ZNF799: variants seen among roughly 807,000 people sequenced by gnomAD.
ZNF799 encodes zinc finger protein 799, also known as zinc finger protein 14.
ZNF799 carries 28 observed loss-of-function variants against 41.0 expected under a neutral mutation model. That is an observed-to-expected ratio of 0.68 (90% confidence interval 0.51 to 0.94). The LOEUF is 0.94. Ranked by LOEUF, ZNF799 falls within the 40% of genes least tolerant of loss-of-function variation. The pLI, the probability that ZNF799 is intolerant of heterozygous loss-of-function variation, is 0.00. For missense variants in ZNF799, 716 were observed against 764.3 expected, an observed-to-expected ratio of 0.94 and a Z score of 0.74; for synonymous variants, 213 against 252.9, an observed-to-expected ratio of 0.84 and a Z score of 1.50.
intron 3 of ZNF799, among the ~76,000 whole-genome samples, 190 bp from the exon 4 acceptor site, chr19:12,392,396 A>C (rs1242985421): frequency 6.6e-6 from 1 of 152,256 alleles, no homozygotes; most frequent in Non-Finnish European, 1.5e-5. Context: ...TCACATTCAT[A>C]TGTGGATTCA....
Position 12,391,542 on chromosome 19 carries a change from A to T in ZNF799, c.856T>A (p.Cys286Ser). The part of the protein sequence containing the change: ...TGKKPYTCKQ[C>S]GKAFSASTSL... ...GTGGAAGCACTGAAGGCTTTCCCAC[A>T]TTGTTTACATGTATAGGGTTTCTTT... Residue 286 changes from cysteine to serine, a missense_variant, in exon 4 of 4, where the codon TGT (cysteine) becomes AGT (serine). Physicochemically the swap from Cys to Ser is moderately radical, Grantham distance 112. This residue lies in a region of ZNF799 where 698 missense variants were observed against 713.6 expected (regional missense o/e 0.98). Coordinates refer to ENST00000430385, the MANE Select transcript of ZNF799 (RefSeq NM_001080821.3). 1 of 1,614,076 alleles carries T rather than the reference A, an allele frequency of 6.2e-7. No individual in the cohort carries two copies. Among genetic ancestry groups the T allele is most frequent in the Non-Finnish European group, 8.5e-7 (1 of 1,179,990 alleles).
upstream of ZNF799, among the ~76,000 whole-genome samples, chr19:12,401,633 A>C (rs1334428734): frequency 8.0e-6 from 1 of 125,102 alleles, no homozygotes; most frequent in Non-Finnish European, 1.6e-5. Flanking sequence ...GCTAGAGTGC[A>C]ATGGTGCGAG....
At position 12,392,009 on chromosome 19, in the gene ZNF799, G is replaced by C. The variant is rs1369416715; in HGVS notation, c.389C>G (p.Pro130Arg). The C allele has an allele frequency of 1.9e-6, 3 of 1,614,044 alleles. No individual in the cohort carries two copies. The highest frequency in any genetic ancestry group is 2.5e-6 in the Non-Finnish European group (3 of 1,180,022). The change falls in exon 4 of 4, where the codon CCA (proline) becomes CGA (arginine). Residue 130 changes from proline to arginine, a missense_variant. Transcript: ENST00000430385. ...CYIRVGAGHK[P>R]YEYHECGEKP... ...CTCTCCACATTCATGATACTCATAT[G>C]GTTTGTGCCCAGCACCAACTCTGAT...
At chr19:12,414,690 G>A in the ZNF799 span, among the ~76,000 whole-genome samples, 1 of 152,170 alleles carries the variant, frequency 6.6e-6, no homozygotes, top group African/African-American at 2.4e-5. Flanking sequence ...GGAATTATAA[G>A]GCAACAGTCT....
upstream of ZNF799, among the ~76,000 whole-genome samples, chr19:12,406,135 A>C (rs1970027782): frequency 6.9e-6 from 1 of 145,410 alleles, no homozygotes; most frequent in East Asian, 2.0e-4. Flanking sequence ...ACGCCACTGC[A>C]CTAATGTCTG....
upstream of ZNF799, among the ~76,000 whole-genome samples, chr19:12,401,736 G>A (rs145448496): frequency 7.2e-4 from 109 of 151,322 alleles, no homozygotes; most frequent in African/African-American, 2.5e-3. Context: ...CACCACACCC[G>A]GCTAATTTTT....
chr19:12,410,798 T>C, the ZNF799 span, among the ~76,000 whole-genome samples: 1 of 152,148 alleles, frequency 6.6e-6, no homozygotes, highest in Non-Finnish European at 1.5e-5. Context: ...TCAGAGCAAT[T>C]GCATGTCTAC....
rs2006651 is a variant in ZNF799, at chr19:12,390,467, T to C, written c.1931A>G (p.Ter644TrpextTer4). ...SSLHRHKKTH[*>W] ...CATTCCATACATTTAGAGAGAATGC[T>C]AGTGAGTCTTTTTATGTCTATGCAA... The change falls in exon 4 of 4, where the codon TAG becomes TGG. Residue 644 changes from the stop codon to tryptophan (W), a stop_lost. Transcript: ENST00000430385. The C allele has an allele frequency of 1.9e-6, 3 of 1,612,494 alleles. No homozygotes were observed. The highest frequency in any genetic ancestry group is 2.5e-6 in the Non-Finnish European group (3 of 1,179,100).
At chr19:12,413,628 G>C in the ZNF799 span, among the ~76,000 whole-genome samples, 44 of 152,326 alleles carry the variant, frequency 2.9e-4, no homozygotes, top group African/African-American at 7.2e-5. Flanking sequence ...CGGTCAGACA[G>C]GTAATGTACA....
chr19:12,412,924 G>A, the ZNF799 span, among the ~76,000 whole-genome samples: 4 of 151,546 alleles, frequency 2.6e-5, no homozygotes, highest in East Asian at 1.9e-4. Flanking sequence ...CTGCCTACTC[G>A]GGAGGCTGAG....
intron 1 of ZNF799, chr19:12,394,592 A>C: frequency 2.0e-6 from 2 of 985,434 alleles, no homozygotes; most frequent in Non-Finnish European, 1.2e-6. Flanking sequence ...GTATGACAAC[A>C]GACTGAGAAA....
chr19:12,395,952 C>G (rs912633309), intron 1 of ZNF799, among the ~76,000 whole-genome samples: 26 of 152,234 alleles, frequency 1.7e-4, no homozygotes, highest in African/African-American at 6.3e-4. Flanking sequence ...CACTAAAGAA[C>G]AGAGATGTCA....
In ZNF799 at chr19:12,391,724, T is replaced by C. The variant is rs1969822977; in HGVS notation, c.674A>G (p.Tyr225Cys). The C allele has an allele frequency of 1.9e-6, 3 of 1,614,146 alleles. No homozygotes were observed. Among genetic ancestry groups the C allele is most frequent in the Non-Finnish European group, 2.5e-6 (3 of 1,180,004 alleles). ...HERTHTGEKP[Y>C]ECKQCSKAFS... ...GGCTTTAGAACACTGCTTACATTCA[T>C]ATGGTTTCTCTCCAGTGTGCGTTCT... The change falls in exon 4 of 4, where the codon TAT becomes TGT. Residue 225 changes from tyrosine (Y) to cysteine (C), a missense_variant. Tyr to Cys is a radical substitution (Grantham distance 194, BLOSUM62 -2). This residue lies in a region of ZNF799 where 698 missense variants were observed against 713.6 expected (regional missense o/e 0.98). Coordinates refer to ENST00000430385, the MANE Select transcript of ZNF799 (RefSeq NM_001080821.3).
upstream of ZNF799, among the ~76,000 whole-genome samples, chr19:12,404,415 GTCTC>G (rs200041408): frequency 1.3e-5 from 2 of 151,976 alleles, no homozygotes; most frequent in South Asian, 2.1e-4. Context: ...TATTGTATTG[GTCTC>G]TCTCTCTTTT....
intron 1 of ZNF799, among the ~76,000 whole-genome samples, chr19:12,396,348 T>C (rs190899617): frequency 2.3e-3 from 355 of 152,342 alleles, no homozygotes; most frequent in Non-Finnish European, 4.3e-3. Context: ...TAAAATAATA[T>C]CTATTAAAAA....
At chr19:12,404,085 T>C (rs1300234091), upstream of ZNF799, among the ~76,000 whole-genome samples, 2 of 152,250 alleles carry the variant, frequency 1.3e-5, no homozygotes, top group African/African-American at 4.8e-5. Context: ...CATTGATTTC[T>C]AGTTTATTCC....
the ZNF799 span, among the ~76,000 whole-genome samples, chr19:12,412,436 C>T: frequency 6.7e-6 from 1 of 149,034 alleles, no homozygotes; most frequent in Admixed American, 6.6e-5. Context: ...TTTTCTATGT[C>T]GCACCTGACC....
the ZNF799 span, among the ~76,000 whole-genome samples, chr19:12,414,499 C>T: frequency 6.6e-6 from 1 of 152,134 alleles, no homozygotes; most frequent in African/African-American, 2.4e-5. Context: ...GGAGCCCAAG[C>T]CACACAGGCC....
intron 1 of ZNF799, chr19:12,394,526 T>G (rs1969868028): frequency 2.1e-6 from 2 of 953,958 alleles, no homozygotes; most frequent in South Asian, 9.7e-5. Context: ...GTGATTATAC[T>G]TACAGAGAAT....
Sources: allele counts gnomAD v4.1 joint callset (sites outside exome capture counted in the v4.1 genomes callset), GRCh38; gene constraint gnomAD v4.1.1; regional missense constraint gnomAD v4.1.1; transcripts MANE v1.5; gene names NCBI Gene and HGNC (gene_info 2026-07-23, HGNC 2026-07-21).